Variants in RASSF3 observed in about 807,000 individuals in gnomAD.
The protein encoded by RASSF3 is ras association domain-containing protein 3.
In RASSF3, 19 loss-of-function variants were observed where a neutral mutation model predicts 19.9. That is an observed-to-expected ratio of 0.96 (90% CI 0.67 to 1.40). RASSF3 has a LOEUF of 1.40. Ranked by LOEUF, RASSF3 falls within the 40% of genes most tolerant of loss-of-function variation. RASSF3 has a pLI of 0.00. For synonymous variants in RASSF3, 110 were observed against 104.2 expected (o/e 1.06, Z -0.34); for missense variants, 306 against 289.8 (o/e 1.06, Z -0.41).
intron 1 of RASSF3, among the ~76,000 whole-genome samples, chr12:64,682,641 A>C (rs1349112655): frequency 1.3e-5 from 2 of 151,410 alleles, no homozygotes; most frequent in Admixed American, 1.3e-4. Flanking sequence ...AAAGTCAAAG[A>C]TCTTGAGGCT....
chr12:64,631,452 C>T, intron 1 of RASSF3, among the ~76,000 whole-genome samples: 1 of 152,016 alleles, frequency 6.6e-6, no homozygotes, highest in East Asian at 1.9e-4. Flanking sequence ...TTCCGTGAGG[C>T]TTGTCTGGCA....
rs1869710034 is a variant in RASSF3, at chr12:64,581,984, T to C, written c.294+40279T>C. On this transcript the variant is annotated intron_variant, in intron 2 of 5. Coordinates refer to the RASSF3 transcript ENST00000637125. ...CCAGGCTCAAACAGATCCTTCCACC[T>C]CAGTCTCCTGAGTAGCTGGGACTAC... Among the ~76,000 whole-genome samples the C allele has an allele frequency of 2.6e-5, 4 of 151,936 alleles. No individual in the cohort carries two copies. In the South Asian group the frequency reaches 8.3e-4, roughly 32 times the overall value.
intron 1 of RASSF3, among the ~76,000 whole-genome samples, chr12:64,634,900 G>A (rs1043173068): frequency 6.0e-5 from 9 of 149,868 alleles, no homozygotes; most frequent in Non-Finnish European, 1.2e-4. Flanking sequence ...GTTAGTACAA[G>A]TTTATTTTGG....
chr12:64,535,078 T>C (rs1175434300), intron 1 of RASSF3, among the ~76,000 whole-genome samples: 1 of 127,504 alleles, frequency 7.8e-6, no homozygotes, highest in Non-Finnish European at 1.8e-5. Context: ...CAGAGACGTT[T>C]ATATGAAAAA....
intron 1 of RASSF3, among the ~76,000 whole-genome samples, chr12:64,675,413 G>C (rs558034138): frequency 1.4e-4 from 22 of 152,198 alleles, no homozygotes; most frequent in Admixed American, 1.4e-3. Context: ...GCCTCCCAAA[G>C]TGCTAGGATT....
intron 1 of RASSF3, among the ~76,000 whole-genome samples, chr12:64,512,152 A>G (rs960975472): frequency 6.6e-6 from 1 of 152,186 alleles, no homozygotes; most frequent in Non-Finnish European, 1.5e-5. Context: ...GAGAACCATC[A>G]TGGAAGAACT....
At chr12:64,575,687 C>T (rs1242999901) in intron 2 of RASSF3, 1 of 151,856 alleles carries the variant, frequency 6.6e-6, no homozygotes, top group South Asian at 2.1e-4. Flanking sequence ...TTATTTGACT[C>T]TGGTGCACTT....
At chr12:64,661,998 A>T (rs1872383721) in intron 1 of RASSF3, among the ~76,000 whole-genome samples, 1 of 151,962 alleles carries the variant, frequency 6.6e-6, no homozygotes, top group South Asian at 2.1e-4. Flanking sequence ...CTTAAAAAAA[A>T]AAAAAAAGTG....
chr12:64,562,027 G>T (rs866167691), intron 2 of RASSF3, among the ~76,000 whole-genome samples: 5 of 52,044 alleles, frequency 9.6e-5, no homozygotes, highest in African/African-American at 2.1e-4. Context: ...ATTTATTTTT[G>T]TTTGTTTTGA....
chr12:64,674,634 A>G (rs1319715410), intron 1 of RASSF3, among the ~76,000 whole-genome samples: 1 of 152,192 alleles, frequency 6.6e-6, no homozygotes, highest in Non-Finnish European at 1.5e-5. Flanking sequence ...AAAAGTATGC[A>G]CAGGAAACAA....
chr12:64,548,389 C>T (rs752385578), intron 2 of RASSF3, among the ~76,000 whole-genome samples: 9 of 151,754 alleles, frequency 5.9e-5, no homozygotes, highest in Non-Finnish European at 1.2e-4. Context: ...GAGGTCTCAC[C>T]ATCTTGGTCA....
chr12:64,633,415 G>C (rs1258211834), intron 1 of RASSF3, among the ~76,000 whole-genome samples: 1 of 152,170 alleles, frequency 6.6e-6, no homozygotes, highest in African/African-American at 2.4e-5. Context: ...CTCTGTTCAC[G>C]TGAGAGCTGG....
intron 2 of RASSF3, among the ~76,000 whole-genome samples, chr12:64,597,886 C>T (rs1870021526): frequency 6.6e-6 from 1 of 152,034 alleles, no homozygotes; most frequent in African/African-American, 2.4e-5. Flanking sequence ...CAAACTAAAT[C>T]CCACCTCCTT....
At chr12:64,517,581 A>G (rs1868389473) in intron 1 of RASSF3, among the ~76,000 whole-genome samples, 1 of 152,062 alleles carries the variant, frequency 6.6e-6, no homozygotes, top group Admixed American at 6.6e-5. Context: ...ACTTCCACAC[A>G]GAAAAGTAGG....
At chr12:64,605,604 T>C (rs1465002733), upstream of RASSF3, among the ~76,000 whole-genome samples, 1 of 151,864 alleles carries the variant, frequency 6.6e-6, no homozygotes, top group Non-Finnish European at 1.5e-5. Context: ...CAAGGCAGTA[T>C]CTAGGCCGGG....
chr12:64,690,207 A>C (rs1868261221), intron 3 of RASSF3, among the ~76,000 whole-genome samples: 1 of 151,024 alleles, frequency 6.6e-6, no homozygotes, highest in Non-Finnish European at 1.5e-5. Context: ...TTTGAGACGG[A>C]GTCTTGCTCT....
chr12:64,688,997 T>G (rs562398785), intron 3 of RASSF3, among the ~76,000 whole-genome samples: 39 of 152,206 alleles, frequency 2.6e-4, no homozygotes, highest in Non-Finnish European at 4.9e-4. Context: ...CGGGACATTT[T>G]GGTACTCTGT....
chr12:64,543,875 AG>A (rs781153060), downstream of RASSF3, among the ~76,000 whole-genome samples: 1 of 151,942 alleles, frequency 6.6e-6, no homozygotes, highest in Non-Finnish European at 1.5e-5. Context: ...CTCTGTACCT[AG>A]CTAATCTAGT....
chr12:64,665,327 A>G (rs897849055), intron 1 of RASSF3, among the ~76,000 whole-genome samples: 1 of 152,200 alleles, frequency 6.6e-6, no homozygotes, highest in Non-Finnish European at 1.5e-5. Context: ...GCTAAAATTA[A>G]ATGATTGACT....
Sources: gnomAD v4.1 joint callset for allele counts (sites outside exome capture counted in the v4.1 genomes callset) on GRCh38, gnomAD v4.1.1 for gene constraint, MANE v1.5 for transcripts, NCBI Gene and HGNC (gene_info 2026-07-23, HGNC 2026-07-21) for gene names.